The following PTPRN2 variants were observed in gnomAD, a reference collection of about 807,000 sequenced individuals.
PTPRN2 encodes the protein receptor-type tyrosine-protein phosphatase N2.
A neutral mutation model predicts 118.8 loss-of-function variants in PTPRN2; 74 were observed. The ratio of observed to expected loss-of-function variants is 0.62; its 90% CI spans 0.52 to 0.76. The LOEUF (loss-of-function observed/expected upper bound fraction) is 0.76. Ranked by LOEUF, PTPRN2 falls within the 30% of genes least tolerant of loss-of-function variation. The pLI, the probability that PTPRN2 is intolerant of heterozygous loss-of-function variation, is 0.00. For synonymous variants in PTPRN2, 641 were observed against 608.0 expected, an observed-to-expected ratio of 1.05 and a Z score of -0.80; for missense variants, 1,481 against 1,394.4, an observed-to-expected ratio of 1.06 and a Z score of -0.99.
intron 2 of PTPRN2, among the ~76,000 whole-genome samples, chr7:158,471,603 G>A (rs1423867097): frequency 1.3e-5 from 2 of 152,104 alleles, no homozygotes; most frequent in Non-Finnish European, 2.9e-5. Flanking sequence ...CAGGAGAATC[G>A]CTTGAACCCG....
At chr7:157,942,127 C>G (rs1467217167) in intron 11 of PTPRN2, among the ~76,000 whole-genome samples, 1 of 141,140 alleles carries the variant, frequency 7.1e-6, no homozygotes, top group African/African-American at 2.7e-5. Context: ...CCTCAGCATG[C>G]CTTCCACACG....
At chr7:157,620,931 G>A (rs1463437555) in intron 15 of PTPRN2, among the ~76,000 whole-genome samples, 4 of 126,708 alleles carry the variant, frequency 3.2e-5, no homozygotes, top group African/African-American at 9.2e-5. Flanking sequence ...AGTTTCCCCC[G>A]CCTGTAACCC....
chr7:157,613,907 G>A (rs2150609985), intron 15 of PTPRN2: 2 of 404,596 alleles, frequency 4.9e-6, no homozygotes, highest in South Asian at 1.9e-5. Context: ...GCTGCTATCC[G>A]GACTCCTCGA....
intron 2 of PTPRN2, among the ~76,000 whole-genome samples, chr7:158,399,379 T>C (rs1392761672): frequency 6.6e-6 from 1 of 152,202 alleles, no homozygotes; most frequent in Non-Finnish European, 1.5e-5. Flanking sequence ...TGGCCAGGTG[T>C]GGTAGTGCAC....
At chr7:158,163,338 T>C (rs7811697) in intron 6 of PTPRN2, among the ~76,000 whole-genome samples, 93,762 of 147,136 alleles carry the variant, frequency 0.64, 30,091 homozygotes, top group East Asian at 0.78. Context: ...ATTCTCTCTA[T>C]TTCATAGGTG....
At chr7:158,107,188 T>C (rs1815757983) in intron 10 of PTPRN2, among the ~76,000 whole-genome samples, 1 of 152,116 alleles carries the variant, frequency 6.6e-6, no homozygotes, top group Non-Finnish European at 1.5e-5. Context: ...AACTGGGATC[T>C]TGCTGTCCAC....
At chr7:158,134,774 G>A (rs181058896) in intron 8 of PTPRN2, among the ~76,000 whole-genome samples, 27 of 152,222 alleles carry the variant, frequency 1.8e-4, no homozygotes, top group Admixed American at 1.4e-3. Context: ...ACTATGCACC[G>A]GGTACAGATT....
In PTPRN2 at chr7:157,604,146, CCAGGGCCCCCCACCCAGCAGCA is replaced by C; in HGVS notation, c.2345-93_2345-72del. ...GCAGTGTGAGACCCCCACTTGGCCT[CCAGGGCCCCCCACCCAGCAGCA>C]CAGGACCCCTGCCCAGCCTCCAGGG... is the stretch of plus-strand genomic sequence containing the variant. On this transcript the variant is annotated intron_variant, in intron 15 of 22. Transcript: ENST00000389418. 6 of 1,390,186 alleles carry C rather than the reference CCAGGGCCCCCCACCCAGCAGCA, an allele frequency of 4.3e-6. No individual in the cohort carries two copies. In the South Asian group the frequency reaches 4.7e-5, roughly 11 times the overall value. The allele number at this position is 1,390,186 out of a possible 1,614,324, so 86.1% of individuals were successfully genotyped here. A position where few individuals can be genotyped will look rare whatever the true frequency, so the allele number is the denominator to read the frequency against.
chr7:158,139,008 A>G (rs1451867472), intron 6 of PTPRN2, among the ~76,000 whole-genome samples: 1 of 151,888 alleles, frequency 6.6e-6, no homozygotes, highest in African/African-American at 2.4e-5. Context: ...CCCAGCATGG[A>G]CCAACTCTAA....
chr7:157,782,204 A>G (rs1803722904), intron 12 of PTPRN2, among the ~76,000 whole-genome samples: 1 of 152,366 alleles, frequency 6.6e-6, no homozygotes, highest in South Asian at 2.1e-4. Context: ...GTGCAGTGCA[A>G]AGCCACAGAC....
chr7:157,661,811 G>A (rs1226376488), intron 13 of PTPRN2, among the ~76,000 whole-genome samples: 2 of 152,190 alleles, frequency 1.3e-5, no homozygotes, highest in African/African-American at 4.8e-5. Context: ...TGGCTCCCCG[G>A]AGGCACCAGC....
intron 16 of PTPRN2, among the ~76,000 whole-genome samples, chr7:157,600,115 C>T (rs2150574892): frequency 1.2e-5 from 1 of 80,742 alleles, no homozygotes; most frequent in South Asian, 7.0e-4. Context: ...CTGCCCACCT[C>T]TCCACCTGCC....
chr7:158,341,989 TAA>T (rs1806932705), intron 2 of PTPRN2, among the ~76,000 whole-genome samples: 1 of 144,258 alleles, frequency 6.9e-6, no homozygotes, highest in African/African-American at 2.6e-5. Flanking sequence ...ACTCTCACCA[TAA>T]GAGGTGACAC....
chr7:157,750,915 G>C (rs1236074079), intron 12 of PTPRN2, among the ~76,000 whole-genome samples: 1 of 152,326 alleles, frequency 6.6e-6, no homozygotes, highest in East Asian at 1.9e-4. Context: ...CGGCACCATC[G>C]GCCGATCTTC....
chr7:157,665,528 C>T (rs914155702), intron 13 of PTPRN2, among the ~76,000 whole-genome samples: 1 of 152,220 alleles, frequency 6.6e-6, no homozygotes, highest in Non-Finnish European at 1.5e-5. Flanking sequence ...CTGCCTGGCC[C>T]TGAAGGCACC....
Position 157,845,218 on chromosome 7 carries a change from A to G in PTPRN2, c.1788+53455T>C, listed in dbSNP as rs1808711686. ...AAAAGATACACAGGCTAATGTAATG[A>G]ATACACTAGCACCCTTAGCCAGCTG... is the stretch of plus-strand genomic sequence containing the variant. On this transcript the variant is annotated intron_variant, in intron 12 of 22. Coordinates refer to ENST00000389418, the MANE Select transcript of PTPRN2 (RefSeq NM_002847.5). This position sits in a 1 kb window ranked among gnomAD's most constrained non-coding sequence, Gnocchi z 4.5. 6.6e-6 allele frequency among the ~76,000 whole-genome samples: 1 copy of G among 152,234 alleles called. No individual in the cohort carries two copies. Among genetic ancestry groups the G allele is most frequent in the Non-Finnish European group, 1.5e-5 (1 of 68,038 alleles).
At position 158,263,942 on chromosome 7, in the gene PTPRN2, G is replaced by A. The variant is rs150259679; in HGVS notation, c.277+52877C>T. On this transcript the variant is annotated intron_variant, in intron 3 of 22. Coordinates refer to ENST00000389418, the MANE Select transcript of PTPRN2 (RefSeq NM_002847.5). The stretch of plus-strand genomic sequence containing the variant: ...ACCCGCGTCACTCAGCAAACTCCAC[G>A]GTGATGTGGGCCAGCTGACCAACTT... 3.7e-3 allele frequency among the ~76,000 whole-genome samples: 570 copies of A among 152,324 alleles called. 2 individuals carry two copies. Among genetic ancestry groups the A allele is most frequent in the African/African-American group, 0.013 (542 of 41,568 alleles).
Position 157,700,630 on chromosome 7 carries a change from C to T in PTPRN2, c.1789-17693G>A, listed in dbSNP as rs966061279. ...CCCCTCCATCCACCACCCTCAGCCTCGGCCATCTCTACCTTGTCCACTGGA... is the reference window on the plus strand; with the variant it reads ...CCCCTCCATCCACCACCCTCAGCCTTGGCCATCTCTACCTTGTCCACTGGA... On this transcript the variant is annotated intron_variant, in intron 12 of 22. Coordinates refer to ENST00000389418, the MANE Select transcript of PTPRN2 (RefSeq NM_002847.5). Among the ~76,000 whole-genome samples the T allele has an allele frequency of 5.9e-5, 9 of 152,306 alleles. No individual in the cohort carries two copies. The East Asian group carries it at 7.7e-4, about 13-fold the overall frequency.
chr7:157,842,019 A>G (rs1005354927), intron 12 of PTPRN2, among the ~76,000 whole-genome samples: 2 of 152,218 alleles, frequency 1.3e-5, no homozygotes, highest in Non-Finnish European at 2.9e-5. Context: ...CTCTTTCTAT[A>G]GCCACATCCA....
Sources: gnomAD v4.1 joint callset for allele counts (sites outside exome capture counted in the v4.1 genomes callset) on GRCh38, gnomAD v4.1.1 for gene constraint, Gnocchi (gnomAD v3.1) non-coding constraint, MANE v1.5 for transcripts, NCBI Gene and HGNC (gene_info 2026-07-23, HGNC 2026-07-21) for gene names.